C10orf67: variants seen among roughly 807,000 people sequenced by gnomAD.
The protein encoded by C10orf67 is chromosome 10 open reading frame 67, also known as uncharacterized protein C10orf67, mitochondrial.
C10orf67 carries 60 observed loss-of-function variants against 35.6 expected under a neutral mutation model. The ratio of observed to expected loss-of-function variants is 1.68; its 90% CI spans 1.37 to 2.09. The LOEUF is 2.09. Ranked by LOEUF, C10orf67 falls within the 30% of genes most tolerant of loss-of-function variation. The probability of loss-of-function intolerance (pLI) is 0.00; values close to 1 mark genes in which losing one functional copy is unlikely to be tolerated. For missense variants in C10orf67, 474 were observed against 330.2 expected (o/e 1.44, Z -3.38); for synonymous variants, 167 against 115.8 (o/e 1.44, Z -2.84).
intron 7 of C10orf67, among the ~76,000 whole-genome samples, chr10:23,288,908 A>AT (rs1050156450): frequency 6.6e-5 from 10 of 152,116 alleles, no homozygotes; most frequent in Non-Finnish European, 2.9e-5. Context: ...CTCTTGGAGT[A>AT]TTTTTCAGTG....
chr10:23,212,522 T>G (rs1455754589), intron 15 of C10orf67, among the ~76,000 whole-genome samples: 1 of 151,986 alleles, frequency 6.6e-6, no homozygotes, highest in Non-Finnish European at 1.5e-5. Context: ...GAAAGAAAGT[T>G]GAGAAACAAC....
At chr10:23,234,560 A>G (rs1445182255) in intron 13 of C10orf67, among the ~76,000 whole-genome samples, 2 of 152,174 alleles carry the variant, frequency 1.3e-5, no homozygotes, top group Non-Finnish European at 2.9e-5. Flanking sequence ...AAGATCAGGA[A>G]AAATAACTAA....
At chr10:23,323,355 C>T (rs1845032650) in intron 2 of C10orf67, among the ~76,000 whole-genome samples, 1 of 152,094 alleles carries the variant, frequency 6.6e-6, no homozygotes, top group Non-Finnish European at 1.5e-5. Context: ...CTAGGGCTCC[C>T]ACCTGTAATC....
intron 4 of C10orf67, among the ~76,000 whole-genome samples, chr10:23,309,674 A>T (rs1844423361): frequency 6.6e-6 from 1 of 152,180 alleles, no homozygotes; most frequent in Non-Finnish European, 1.5e-5. Flanking sequence ...TCATCAGAGC[A>T]TGTCACGGAA....
At chr10:23,296,197 T>G (rs1285659987) in intron 5 of C10orf67, among the ~76,000 whole-genome samples, 1 of 152,056 alleles carries the variant, frequency 6.6e-6, no homozygotes, top group Non-Finnish European at 1.5e-5. Flanking sequence ...TTTTTTGCAG[T>G]TGCAAGATTT....
chr10:23,231,784 G>C (rs1841920191), intron 13 of C10orf67, among the ~76,000 whole-genome samples: 1 of 152,178 alleles, frequency 6.6e-6, no homozygotes, highest in African/African-American at 2.4e-5. Flanking sequence ...GGGTAAATAA[G>C]TTGTGGTATA....
intron 10 of C10orf67, among the ~76,000 whole-genome samples, chr10:23,257,166 G>A (rs56183576): frequency 0.03 from 4,596 of 152,226 alleles, 221 homozygotes; most frequent in African/African-American, 0.1. Context: ...ATTGCAGGAA[G>A]GACAGGAAAC....
At chr10:23,295,266 G>A (rs577376055) in intron 5 of C10orf67, among the ~76,000 whole-genome samples, 76 of 152,288 alleles carry the variant, frequency 5.0e-4, no homozygotes, top group African/African-American at 1.8e-3. Context: ...CATATGAGCC[G>A]GTGTGGCTCC....
chr10:23,341,299 T>C (rs974286270), intron 1 of C10orf67, among the ~76,000 whole-genome samples: 1 of 152,212 alleles, frequency 6.6e-6, no homozygotes, highest in African/African-American at 2.4e-5. Context: ...ACTGCTGACA[T>C]ATAATGACCA....
intron 12 of C10orf67, among the ~76,000 whole-genome samples, chr10:23,240,051 C>T (rs998198094): frequency 3.3e-5 from 5 of 152,084 alleles, no homozygotes; most frequent in South Asian, 4.2e-4. Flanking sequence ...ACCAGGCATG[C>T]GTGGTGGTAC....
At chr10:23,265,149 G>A (rs1310214889) in intron 10 of C10orf67, among the ~76,000 whole-genome samples, 1 of 152,214 alleles carries the variant, frequency 6.6e-6, no homozygotes, top group Non-Finnish European at 1.5e-5. Flanking sequence ...AATGCTCACA[G>A]AGGAGAATGC....
intron 5 of C10orf67, among the ~76,000 whole-genome samples, chr10:23,299,977 CA>C (rs535795751): frequency 0.26 from 31,549 of 123,218 alleles, 3,346 homozygotes; most frequent in Non-Finnish European, 0.29. Flanking sequence ...GACTCTGTCT[CA>C]AAAAAAAAAA....
intron 4 of C10orf67, chr10:23,318,708 G>A (rs1844829590): frequency 5.1e-6 from 3 of 586,676 alleles, no homozygotes; most frequent in Non-Finnish European, 9.2e-6. Context: ...TCTGTCCTGG[G>A]ATGTTTTCAG....
chr10:23,224,293 T>TC (rs984480461), intron 13 of C10orf67, among the ~76,000 whole-genome samples: 3 of 152,048 alleles, frequency 2.0e-5, no homozygotes, highest in African/African-American at 7.2e-5. Flanking sequence ...TCTAGCAAAC[T>TC]CCAACAGACC....
At chr10:23,230,750 C>T (rs1256422110) in intron 13 of C10orf67, among the ~76,000 whole-genome samples, 2 of 151,938 alleles carry the variant, frequency 1.3e-5, no homozygotes, top group Admixed American at 6.6e-5. Flanking sequence ...TATAAACACA[C>T]ACATACACGT....
chr10:23,277,991 G>GA (rs1307035408), intron 8 of C10orf67, among the ~76,000 whole-genome samples: 3 of 152,156 alleles, frequency 2.0e-5, no homozygotes, highest in African/African-American at 7.2e-5. Context: ...GCGAGAGAGA[G>GA]AAGTGGGGAG....
At chr10:23,211,173 G>C (rs1363387063) in intron 15 of C10orf67, among the ~76,000 whole-genome samples, 1 of 152,114 alleles carries the variant, frequency 6.6e-6, no homozygotes, top group African/African-American at 2.4e-5. Context: ...GAGACCCTGG[G>C]TGGAATCCTT....
chr10:23,217,283 C>A (rs748269640), intron 15 of C10orf67, among the ~76,000 whole-genome samples: 18 of 151,976 alleles, frequency 1.2e-4, no homozygotes, highest in African/African-American at 4.4e-4. Context: ...CGGTTTATTC[C>A]CACAATTTCT....
intron 12 of C10orf67, among the ~76,000 whole-genome samples, chr10:23,248,765 G>A (rs1842376377): frequency 6.6e-6 from 1 of 152,118 alleles, no homozygotes; most frequent in African/African-American, 2.4e-5. Context: ...AGCCTAAGTA[G>A]AGAGACATAA....
Sources: allele counts gnomAD v4.1 joint callset (sites outside exome capture counted in the v4.1 genomes callset), GRCh38; gene constraint gnomAD v4.1.1; transcripts MANE v1.5; gene names NCBI Gene and HGNC (gene_info 2026-07-23, HGNC 2026-07-21).